ZNF367: variants seen among roughly 807,000 people sequenced by gnomAD.
The protein encoded by ZNF367 is zinc finger protein 367.
A neutral mutation model predicts 31.8 loss-of-function variants in ZNF367; 11 were observed. That is an observed-to-expected ratio of 0.35 (90% CI 0.22 to 0.57). The LOEUF (loss-of-function observed/expected upper bound fraction) is 0.57. Among genes scored for constraint, ZNF367 ranks in the 20% least tolerant of loss-of-function variants. The probability of loss-of-function intolerance (pLI) is 0.85; values close to 1 mark genes in which losing one functional copy is unlikely to be tolerated. For missense variants in ZNF367, 353 were observed against 484.1 expected (o/e 0.73, Z 2.54); for synonymous variants, 199 against 202.4 (o/e 0.98, Z 0.14).
chr9:96,395,715 T>C (rs1327263114), intron 2 of ZNF367, among the ~76,000 whole-genome samples: 2 of 152,184 alleles, frequency 1.3e-5, no homozygotes, highest in South Asian at 4.1e-4. Context: ...CTCCAAATAA[T>C]TGAACTTTGT....
Position 96,405,788 on chromosome 9 carries a change from A to G in ZNF367, c.421-7474T>C, listed in dbSNP as rs181901450. The stretch of plus-strand genomic sequence containing the variant: ...TAGGTTGTTGGTTTCCAAGGTCTGC[A>G]TGTAGTAGGGAACAGGGAATCGTGG... On this transcript the variant is annotated intron_variant, in intron 1 of 4. Transcript: ENST00000375256. Among the ~76,000 whole-genome samples, 65 of 152,338 alleles carry G rather than the reference A, an allele frequency of 4.3e-4. 2 individuals carry two copies. Among genetic ancestry groups the G allele is most frequent in the Admixed American group, 3.7e-3 (57 of 15,304 alleles).
intron 3 of ZNF367, among the ~76,000 whole-genome samples, chr9:96,394,430 G>A (rs1415210905): frequency 1.3e-5 from 2 of 152,072 alleles, no homozygotes; most frequent in Non-Finnish European, 1.5e-5. Flanking sequence ...TATAGCACAC[G>A]GTGACTATAG....
chr9:96,403,930 A>G (rs1831639855), intron 1 of ZNF367, among the ~76,000 whole-genome samples: 1 of 152,248 alleles, frequency 6.6e-6, no homozygotes, highest in African/African-American at 2.4e-5. Context: ...ACGGTAGCCC[A>G]TGCCTGTAAT....
At chr9:96,409,519 TTA>T (rs1203781828) in intron 1 of ZNF367, among the ~76,000 whole-genome samples, 2 of 152,226 alleles carry the variant, frequency 1.3e-5, no homozygotes, top group East Asian at 3.8e-4. Flanking sequence ...ACTCAGTGGG[TTA>T]GTAACGAATA....
At chr9:96,407,191 TGC>T in intron 1 of ZNF367, 1 of 696,024 alleles carries the variant, frequency 1.4e-6, no homozygotes, top group Non-Finnish European at 2.6e-6. Flanking sequence ...TGTCCCGGCC[TGC>T]GTGGCGTGGG....
intron 4 of ZNF367, 62 bp from the exon 5 acceptor site, chr9:96,388,521 T>C: frequency 6.7e-7 from 1 of 1,484,300 alleles, no homozygotes; most frequent in Middle Eastern, 1.8e-4. Flanking sequence ...TGTTTACTTT[T>C]CTTTTAAAAA....
intron 1 of ZNF367, among the ~76,000 whole-genome samples, chr9:96,398,533 A>C (rs955288232): frequency 6.6e-6 from 1 of 152,112 alleles, no homozygotes; most frequent in Non-Finnish European, 1.5e-5. Context: ...TCTAAAAACA[A>C]AGCAAAAGCC....
In ZNF367 at chr9:96,388,470, T is replaced by C; in HGVS notation, c.831-11A>G. 1.9e-6 allele frequency: 3 copies of C among 1,600,124 alleles called. No individual in the cohort carries two copies. Among genetic ancestry groups the C allele is most frequent in the Non-Finnish European group, 2.6e-6 (3 of 1,175,290 alleles). ...CTCATTTCCCAATACCTATGTGAAA[T>C]GCAGCAACATTAGTTACATGGCAGA... is the stretch of plus-strand genomic sequence containing the variant. On this transcript the variant is annotated splice_polypyrimidine_tract_variant and intron_variant, in intron 4 of 4. Transcript: ENST00000375256.
At chr9:96,413,507 T>C (rs1257803308) in intron 1 of ZNF367, among the ~76,000 whole-genome samples, 4 of 152,176 alleles carry the variant, frequency 2.6e-5, no homozygotes, top group African/African-American at 7.2e-5. Flanking sequence ...CGGTAGATCC[T>C]GTAGGGTGAA....
intron 4 of ZNF367, among the ~76,000 whole-genome samples, chr9:96,389,171 G>A (rs972832470): frequency 6.6e-6 from 1 of 151,938 alleles, no homozygotes; most frequent in Non-Finnish European, 1.5e-5. Flanking sequence ...ATGGTGGCAG[G>A]CACCTGTAAT....
chr9:96,386,961 G>A lies in ZNF367; in HGVS notation c.*1276C>T, dbSNP rs1831414447. The A allele has an allele frequency of 1.3e-5, 2 of 152,134 alleles. No individual in the cohort carries two copies. The highest frequency in any genetic ancestry group is 4.8e-5 in the African/African-American group (2 of 41,428). The allele number at this position is 152,134 out of a possible 1,614,324, so 9.4% of individuals were successfully genotyped here. Reference sequence around the variant, plus strand: ...CATGCTATGCATGTCATTTAGTTCTGTTTAGAACAAAAGCCAAAATGATGG... The same window carrying A: ...CATGCTATGCATGTCATTTAGTTCTATTTAGAACAAAAGCCAAAATGATGG... On this transcript the variant is annotated 3_prime_UTR_variant, in exon 5 of 5. Transcript: ENST00000375256.
intron 4 of ZNF367, among the ~76,000 whole-genome samples, chr9:96,391,413 G>T (rs1201222712): frequency 6.6e-6 from 1 of 152,198 alleles, no homozygotes; most frequent in Non-Finnish European, 1.5e-5. Context: ...TTAGCCAAGT[G>T]GGGAGTGAGT....
intron 3 of ZNF367, 135 bp downstream of exon 3, chr9:96,394,688 T>A: frequency 2.3e-6 from 2 of 883,658 alleles, no homozygotes; most frequent in South Asian, 4.1e-5. Context: ...ATCACAATTA[T>A]CAAAGAAGAA....
At chr9:96,407,605 A>G (rs1333031771) in intron 1 of ZNF367, 4 of 1,467,466 alleles carry the variant, frequency 2.7e-6, no homozygotes, top group Non-Finnish European at 3.8e-6. Flanking sequence ...CAATATGATT[A>G]AACAGAAACG....
At chr9:96,406,836 T>TA (rs35734931) in intron 1 of ZNF367, among the ~76,000 whole-genome samples, 4,180 of 150,074 alleles carry the variant, frequency 0.028, 72 homozygotes, top group Middle Eastern at 0.06. Context: ...CCATCTCTAC[T>TA]AAAAAAATAC....
Position 96,417,976 on chromosome 9 carries a change from GGGCGGC to G in ZNF367, c.51_56del (p.Pro18_Pro19del), listed in dbSNP as rs553637829. 8.9e-5 allele frequency: 129 copies of G among 1,446,234 alleles called. No homozygotes were observed. Among genetic ancestry groups the G allele is most frequent in the Middle Eastern group, 7.7e-4 (4 of 5,188 alleles). The allele number at this position is 1,446,234 out of a possible 1,614,324, so 89.6% of individuals were successfully genotyped here. On this transcript the variant is annotated inframe_deletion, in exon 1 of 5. Coordinates refer to ENST00000375256, the MANE Select transcript of ZNF367 (RefSeq NM_153695.4). The surrounding 1 kb of genome is among the most constrained non-coding windows in gnomAD (Gnocchi z 5.0). ...TCGGGGAGTCGTGGCAGAAGATGAC[GGGCGGC>G]GGCGGCGGCGGCGGGTTCTCCGCCA...
intron 1 of ZNF367, among the ~76,000 whole-genome samples, chr9:96,405,099 AT>A (rs1831655321): frequency 6.6e-6 from 1 of 152,154 alleles, no homozygotes; most frequent in African/African-American, 2.4e-5. Context: ...AGGTGGGTGG[AT>A]CACCTGAGGT....
At position 96,394,954 on chromosome 9, in the gene ZNF367, G is replaced by A; in HGVS notation, c.572-12C>T. ...ATAGGGCCTCTCACCTAAGTAGACA[G>A]ATGTTAGATATTATATCTGAGATAA... is the stretch of plus-strand genomic sequence containing the variant. On this transcript the variant is annotated splice_polypyrimidine_tract_variant and intron_variant, in intron 2 of 4. Coordinates refer to ENST00000375256, the MANE Select transcript of ZNF367 (RefSeq NM_153695.4). The A allele has an allele frequency of 1.2e-6, 2 of 1,613,252 alleles. No homozygotes were observed. The highest frequency in any genetic ancestry group is 1.7e-4 in the Middle Eastern group (1 of 6,040).
At chr9:96,410,292 T>A (rs1350287285) in intron 1 of ZNF367, among the ~76,000 whole-genome samples, 1 of 148,670 alleles carries the variant, frequency 6.7e-6, no homozygotes, top group African/African-American at 2.5e-5. Flanking sequence ...CTGGGCGTGG[T>A]GGCTCACGCC....
Sources: gnomAD v4.1 joint callset for allele counts (sites outside exome capture counted in the v4.1 genomes callset) on GRCh38, gnomAD v4.1.1 for gene constraint, Gnocchi (gnomAD v3.1) non-coding constraint, MANE v1.5 for transcripts, NCBI Gene and HGNC (gene_info 2026-07-23, HGNC 2026-07-21) for gene names.